TNKS: variants seen among roughly 807,000 people sequenced by gnomAD.
TNKS encodes poly [ADP-ribose] polymerase tankyrase-1.
TNKS carries 72 observed loss-of-function variants against 135.8 expected under a neutral mutation model. That is an observed-to-expected ratio of 0.53 (90% CI 0.44 to 0.64). TNKS has a LOEUF of 0.64. Among genes scored for constraint, TNKS ranks in the 30% least tolerant of loss-of-function variants. The pLI is 0.00. For missense variants in TNKS, 1,769 were observed against 1,674.0 expected, an observed-to-expected ratio of 1.06 and a Z score of -0.99; for synonymous variants, 849 against 649.3, an observed-to-expected ratio of 1.31 and a Z score of -4.68.
At chr8:9,611,807 T>C (rs1329315919) in intron 2 of TNKS, among the ~76,000 whole-genome samples, 1 of 152,244 alleles carries the variant, frequency 6.6e-6, no homozygotes, top group Non-Finnish European at 1.5e-5. Flanking sequence ...GGGAATATTG[T>C]AGTTTGGGAC....
intron 3 of TNKS, among the ~76,000 whole-genome samples, chr8:9,628,241 G>A (rs1800140310): frequency 6.6e-6 from 1 of 152,104 alleles, no homozygotes; most frequent in Non-Finnish European, 1.5e-5. Context: ...TCCCTTTAGA[G>A]TATACGGAAC....
intron 2 of TNKS, among the ~76,000 whole-genome samples, chr8:9,610,404 T>C (rs1297197654): frequency 6.6e-6 from 1 of 151,648 alleles, no homozygotes; most frequent in African/African-American, 2.4e-5. Context: ...CATTATATAA[T>C]ATTATACCAT....
Position 9,679,935 on chromosome 8 carries a change from T to C in TNKS, c.995-16T>C, listed in dbSNP as rs770545661. 87 of 1,608,128 alleles carry C rather than the reference T, an allele frequency of 5.4e-5. No individual in the cohort carries two copies. The highest frequency in any genetic ancestry group is 7.2e-5 in the Non-Finnish European group (84 of 1,174,796). On this transcript the variant is annotated splice_polypyrimidine_tract_variant and intron_variant, in intron 3 of 26. Transcript: ENST00000310430. ...TCTGCCAAATGCTAACAGCATGATA[T>C]TTTGCAATCATCTAGGTGAATACAA...
intron 1 of TNKS, among the ~76,000 whole-genome samples, chr8:9,569,547 T>C (rs1416279151): frequency 6.6e-6 from 1 of 152,250 alleles, no homozygotes; most frequent in Non-Finnish European, 1.5e-5. Flanking sequence ...TATAATTCTA[T>C]TGTGGGAATA....
intron 3 of TNKS, among the ~76,000 whole-genome samples, chr8:9,646,839 A>C (rs1222876549): frequency 6.6e-6 from 1 of 152,164 alleles, no homozygotes; most frequent in African/African-American, 2.4e-5. Flanking sequence ...GGGTCCTATG[A>C]GTAAACCTAA....
chr8:9,684,911 C>A (rs994022475), intron 5 of TNKS, among the ~76,000 whole-genome samples: 5 of 152,178 alleles, frequency 3.3e-5, no homozygotes, highest in East Asian at 3.9e-4. Flanking sequence ...ATTCCTTTTG[C>A]GGTGATACAG....
At chr8:9,656,624 T>TTG (rs1554461141) in intron 3 of TNKS, among the ~76,000 whole-genome samples, 1 of 149,460 alleles carries the variant, frequency 6.7e-6, no homozygotes, top group Admixed American at 6.6e-5. Context: ...TTTTTTTTTT[T>TTG]TTAATTTATT....
At position 9,712,290 on chromosome 8, in the gene TNKS, G is replaced by A. The variant is rs918481937; in HGVS notation, c.1749+2070G>A. On this transcript the variant is annotated intron_variant, in intron 11 of 26. Transcript: ENST00000310430. ...AGGCCAGGAGTTCGACACCAGCCTG[G>A]GCAACACAGCAAGACACTATCTCTA... Among the ~76,000 whole-genome samples, 2 of 152,100 alleles carry A rather than the reference G, an allele frequency of 1.3e-5. 1 individual carries two copies. Among genetic ancestry groups the A allele is most frequent in the Admixed American group, 1.3e-4 (2 of 15,266 alleles).
Position 9,718,242 on chromosome 8 carries a change from A to G in TNKS, c.1750-2132A>G, listed in dbSNP as rs145016641. Among the ~76,000 whole-genome samples the G allele has an allele frequency of 9.8e-3, 1,500 of 152,334 alleles. 11 individuals are homozygous for G. The highest frequency in any genetic ancestry group is 0.027 in the South Asian group (128 of 4,828). ...TGCAGTGTCACTCTAGCTAAAGAGTACAGACTGTTTTCAACTCTCGGCTTA... is the reference window on the plus strand; with the variant it reads ...TGCAGTGTCACTCTAGCTAAAGAGTGCAGACTGTTTTCAACTCTCGGCTTA... On this transcript the variant is annotated intron_variant, in intron 11 of 26. Coordinates refer to ENST00000310430, the MANE Select transcript of TNKS (RefSeq NM_003747.3).
At position 9,752,421 on chromosome 8, in the gene TNKS, A is replaced by G. The variant is rs2128828797; in HGVS notation, c.3071-123A>G. 4.5e-6 allele frequency: 3 copies of G among 667,946 alleles called. No homozygotes were observed. In the East Asian group the frequency reaches 8.0e-5, roughly 18 times the overall value. The allele number at this position is 667,946 out of a possible 1,614,324, so 41.4% of individuals were successfully genotyped here. A position where few individuals can be genotyped will look rare whatever the true frequency, so the allele number is the denominator to read the frequency against. ...AAATTAAATCTGTGTATTCTGTATT[A>G]TTTTATGCCATGGAAAATCATCTGA... On this transcript the variant is annotated intron_variant, in intron 19 of 26. Transcript: ENST00000310430.
At chr8:9,746,557 TC>T (rs1265805999) in intron 17 of TNKS, among the ~76,000 whole-genome samples, 1 of 152,202 alleles carries the variant, frequency 6.6e-6, no homozygotes, top group East Asian at 1.9e-4. Flanking sequence ...ATTGTTGTTT[TC>T]AAGGTTTTAT....
At chr8:9,712,680 A>G (rs1375745629) in intron 11 of TNKS, among the ~76,000 whole-genome samples, 1 of 152,042 alleles carries the variant, frequency 6.6e-6, no homozygotes, top group Non-Finnish European at 1.5e-5. Flanking sequence ...GCTTGAGCCC[A>G]GGATTTTGAG....
chr8:9,663,365 G>C (rs929633229), intron 3 of TNKS, among the ~76,000 whole-genome samples: 1 of 152,200 alleles, frequency 6.6e-6, no homozygotes, highest in South Asian at 2.1e-4. Context: ...GAAAGTGCTT[G>C]TCAAATACAA....
At chr8:9,639,228 A>G (rs1387527251) in intron 3 of TNKS, among the ~76,000 whole-genome samples, 4 of 152,104 alleles carry the variant, frequency 2.6e-5, no homozygotes, top group Non-Finnish European at 4.4e-5. Context: ...ATTCAGGAAA[A>G]CTCGTTTATT....
intron 5 of TNKS, 164 bp downstream of exon 5, chr8:9,680,964 A>T (rs1802757764): frequency 6.0e-6 from 3 of 503,382 alleles, no homozygotes; most frequent in Non-Finnish European, 1.1e-5. Context: ...GTTGTGACAC[A>T]TTCATAGAAC....
chr8:9,736,358 A>G (rs1226357776), intron 17 of TNKS, among the ~76,000 whole-genome samples: 1 of 150,574 alleles, frequency 6.6e-6, no homozygotes, highest in African/African-American at 2.4e-5. Context: ...TCTAAAAAAA[A>G]AAAAAAAAAA....
intron 3 of TNKS, among the ~76,000 whole-genome samples, chr8:9,635,356 A>G (rs1460395653): frequency 6.6e-6 from 1 of 152,220 alleles, no homozygotes; most frequent in Non-Finnish European, 1.5e-5. Context: ...TTCAGTGGTA[A>G]TACATGAACG....
intron 11 of TNKS, among the ~76,000 whole-genome samples, chr8:9,720,006 A>C (rs1202173465): frequency 6.6e-6 from 1 of 152,196 alleles, no homozygotes; most frequent in Non-Finnish European, 1.5e-5. Flanking sequence ...GTTTGGTAAA[A>C]ATCCATTCAT....
chr8:9,746,787 A>G (rs1164971077), intron 17 of TNKS, among the ~76,000 whole-genome samples: 1 of 151,810 alleles, frequency 6.6e-6, no homozygotes, highest in Non-Finnish European at 1.5e-5. Context: ...ACCTTTTCTG[A>G]CAAACGATCT....
Sources: gnomAD v4.1 joint callset for allele counts (sites outside exome capture counted in the v4.1 genomes callset) on GRCh38, gnomAD v4.1.1 for gene constraint, MANE v1.5 for transcripts, NCBI Gene and HGNC (gene_info 2026-07-23, HGNC 2026-07-21) for gene names.